HACL1: variants seen among roughly 807,000 people sequenced by gnomAD.
The protein encoded by HACL1 is 1600020H07Rik.
HACL1 carries 64 observed loss-of-function variants against 74.2 expected under a neutral mutation model. The observed-to-expected ratio is 0.86, with a 90% CI of 0.70 to 1.06. The LOEUF (loss-of-function observed/expected upper bound fraction) is 1.06. Among genes scored for constraint, HACL1 ranks in the 50% least tolerant of loss-of-function variants. The probability of loss-of-function intolerance (pLI) is 0.00; values close to 1 mark genes in which losing one functional copy is unlikely to be tolerated. For synonymous variants in HACL1, 230 were observed against 238.8 expected, an observed-to-expected ratio of 0.96 and a Z score of 0.34; for missense variants, 728 against 719.7, an observed-to-expected ratio of 1.01 and a Z score of -0.13.
At chr3:15,573,338 A>T (rs76066755) in intron 10 of HACL1, 96 bp from the exon 11 acceptor site, 1 of 693,272 alleles carries the variant, frequency 1.4e-6, no homozygotes, top group East Asian at 2.6e-5. Flanking sequence ...TGTATATAGA[A>T]CACATGATAA....
chr3:15,595,714 G>A (rs1320189575), intron 3 of HACL1, among the ~76,000 whole-genome samples: 1 of 144,728 alleles, frequency 6.9e-6, no homozygotes, highest in Non-Finnish European at 1.5e-5. Flanking sequence ...GGTTCAAGCC[G>A]ATTCTCCTGC....
intron 8 of HACL1, among the ~76,000 whole-genome samples, chr3:15,581,321 TA>T (rs2063713213): frequency 6.6e-6 from 1 of 152,220 alleles, no homozygotes; most frequent in East Asian, 1.9e-4. Flanking sequence ...TCAAGACCAC[TA>T]TTTTTTTTTG....
At chr3:15,574,841 T>A in intron 10 of HACL1, 136 bp downstream of exon 10, 1 of 480,318 alleles carries the variant, frequency 2.1e-6, no homozygotes. Flanking sequence ...TGTTAGACAA[T>A]TTGTAAAATT....
intron 6 of HACL1, 81 bp from the exon 7 acceptor site, chr3:15,585,423 A>G: frequency 1.3e-6 from 1 of 792,946 alleles, no homozygotes; most frequent in South Asian, 1.6e-5. Flanking sequence ...TTAAAACTGG[A>G]AAATGAACAC....
chr3:15,577,761 G>A (rs1210216830), intron 9 of HACL1, among the ~76,000 whole-genome samples: 9 of 151,806 alleles, frequency 5.9e-5, no homozygotes, highest in African/African-American at 1.9e-4. Context: ...TTGCACCACT[G>A]CACTCCAGTC....
At position 15,580,031 on chromosome 3, in the gene HACL1, G is replaced by A. The variant is rs775296242; in HGVS notation, c.682C>T (p.His228Tyr). 5 of 1,612,090 alleles carry A rather than the reference G, an allele frequency of 3.1e-6. No homozygotes were observed. The highest frequency in any genetic ancestry group is 4.2e-6 in the Non-Finnish European group (5 of 1,178,368). Residue 228 changes from histidine to tyrosine, a missense_variant, in exon 9 of 17, where the codon CAT becomes TAT. By Grantham distance (83) the His-to-Tyr change is moderately conservative. Coordinates refer to ENST00000321169, the MANE Select transcript of HACL1 (RefSeq NM_012260.4). ...AATTTCTTGATACTCTCTTCTGCAT[G>A]AGCGTAAGCAGCACCTATAAGAAAT... Reference protein sequence around the residue: ...LIIGKGAAYAHAEESIKKLVE... With the variant: ...LIIGKGAAYAYAEESIKKLVE...
rs546311111 is a variant in HACL1, at chr3:15,591,151, T to A, written c.308+449A>T. On this transcript the variant is annotated intron_variant, in intron 4 of 16. Transcript: ENST00000321169. ...GAATTTTCTTCCTAATACTCTTTTT[T>A]AAGTTATATCTATTTAAGGTATACC... Among the ~76,000 whole-genome samples, 55 of 152,330 alleles carry A rather than the reference T, an allele frequency of 3.6e-4. 1 individual carries two copies. The South Asian group carries it at 0.011, about 29-fold the overall frequency.
At chr3:15,598,625 C>G (rs958024474) in intron 2 of HACL1, among the ~76,000 whole-genome samples, 13 of 152,242 alleles carry the variant, frequency 8.5e-5, no homozygotes, top group African/African-American at 3.1e-4. Flanking sequence ...TGCTGACAAT[C>G]TGCCTACTTG....
At chr3:15,583,023 C>A in intron 7 of HACL1, 34 bp from the exon 8 acceptor site, 1 of 978,080 alleles carries the variant, frequency 1.0e-6, no homozygotes, top group Non-Finnish European at 1.6e-6. Flanking sequence ...TTAAAAGAGG[C>A]CAACTATGAT....
Position 15,569,587 on chromosome 3 carries a change from C to G in HACL1, c.1096-1001G>C, listed in dbSNP as rs554133710. Among the ~76,000 whole-genome samples the G allele has an allele frequency of 5.7e-4, 87 of 152,088 alleles. 1 individual carries two copies. The highest frequency in any genetic ancestry group is 2.1e-3 in the African/African-American group (87 of 41,500). On this transcript the variant is annotated intron_variant, in intron 12 of 16. Transcript: ENST00000321169. ...CTGTAATCCCAGCACTTTGGGAGGC[C>G]GAGGTGGGCAGGTCACCTGAGGTCG... is the stretch of plus-strand genomic sequence containing the variant.
chr3:15,578,962 A>C (rs1280771842), intron 9 of HACL1, among the ~76,000 whole-genome samples: 1 of 152,248 alleles, frequency 6.6e-6, no homozygotes, highest in African/African-American at 2.4e-5. Context: ...ATGAACCAGT[A>C]CATGTCTGGG....
intron 2 of HACL1, among the ~76,000 whole-genome samples, chr3:15,596,862 G>A (rs1311013993): frequency 6.6e-6 from 1 of 151,750 alleles, no homozygotes; most frequent in Non-Finnish European, 1.5e-5. Flanking sequence ...TTCTGTTCTT[G>A]TATTTATTAT....
chr3:15,598,311 G>A (rs974609303), intron 2 of HACL1, among the ~76,000 whole-genome samples: 1 of 152,086 alleles, frequency 6.6e-6, no homozygotes, highest in South Asian at 2.1e-4. Context: ...GTGAGCCACC[G>A]CGCCTGGCCA....
rs999237762 is a variant in HACL1 at position 15,575,800 on chromosome 3, CA to C, written c.804-719del. On this transcript the variant is annotated intron_variant, in intron 9 of 16. Transcript: ENST00000321169. The stretch of plus-strand genomic sequence containing the variant: ...AAGTGATTCGCCCACCTTGGCCTCC[CA>C]AATTGTTTGGATTACAGGCATGAAC... Among the ~76,000 whole-genome samples the C allele has an allele frequency of 3.9e-4, 60 of 152,074 alleles. 1 individual carries two copies. Among genetic ancestry groups the C allele is most frequent in the Admixed American group, 3.6e-3 (55 of 15,262 alleles).
chr3:15,585,311 C>A lies in HACL1; in HGVS notation c.491G>T (p.Gly164Val). ...TGCTGGTATGTCAACATAGCAAGCA[C>A]CTGGACGACCATAGATACTGCTTCT... Reference protein sequence around the residue: ...AVRSSIYGRPGACYVDIPADF... With the variant: ...AVRSSIYGRPVACYVDIPADF... The change falls in exon 7 of 17, where the codon GGT becomes GTT. Residue 164 changes from glycine (G) to valine (V), a missense_variant. Transcript: ENST00000321169. The A allele has an allele frequency of 1.9e-6, 3 of 1,605,198 alleles. No homozygotes were observed. The highest frequency in any genetic ancestry group is 1.7e-4 in the Middle Eastern group (1 of 6,044).
rs1458843574 is a variant in HACL1, at chr3:15,601,500, C to T, written c.-37G>A. The T allele has an allele frequency of 1.2e-6, 2 of 1,610,320 alleles. No homozygotes were observed. Among genetic ancestry groups the T allele is most frequent in the East Asian group, 2.2e-5 (1 of 44,880 alleles). Reference sequence around the variant, plus strand: ...AAGCTCTAAGCACTCACGCAGCCGGCAAACAAGCGGAATCATCCAGCAAGG... The same window carrying T: ...AAGCTCTAAGCACTCACGCAGCCGGTAAACAAGCGGAATCATCCAGCAAGG... On this transcript the variant is annotated 5_prime_UTR_variant, in exon 1 of 17. Transcript: ENST00000321169.
chr3:15,598,576 T>G (rs928339112), intron 2 of HACL1, among the ~76,000 whole-genome samples: 1 of 152,212 alleles, frequency 6.6e-6, no homozygotes, highest in African/African-American at 2.4e-5. Context: ...ACACTCAAAA[T>G]AGTGCCCACA....
At chr3:15,591,043 T>G (rs112032509) in intron 4 of HACL1, among the ~76,000 whole-genome samples, 6 of 152,318 alleles carry the variant, frequency 3.9e-5, no homozygotes, top group African/African-American at 1.4e-4. Context: ...ATTGCACCAC[T>G]GCACTCCAGC....
Position 15,571,835 on chromosome 3 carries a change from T to C in HACL1, c.994-66A>G, listed in dbSNP as rs796172680. 45 of 536,068 alleles carry C rather than the reference T, an allele frequency of 8.4e-5. No individual in the cohort carries two copies. In the Middle Eastern group the frequency reaches 4.2e-3, roughly 50 times the overall value. 33.2% of individuals were successfully genotyped at this position (536,068 alleles called of 1,614,324 possible). A position where few individuals can be genotyped will look rare whatever the true frequency, so the allele number is the denominator to read the frequency against. ...TTTTCTTTGCCTTTTTTTTCTTTTT[T>C]TTTTTTTTTTTTTTTTTTTTTTGAG... is the stretch of plus-strand genomic sequence containing the variant. On this transcript the variant is annotated intron_variant, in intron 11 of 16. Transcript: ENST00000321169.
Sources: allele counts gnomAD v4.1 joint callset (sites outside exome capture counted in the v4.1 genomes callset), GRCh38; gene constraint gnomAD v4.1.1; transcripts MANE v1.5; gene names NCBI Gene and HGNC (gene_info 2026-07-23, HGNC 2026-07-21).